The following TNNI3K variants were observed in gnomAD, a reference collection of about 807,000 sequenced individuals.
TNNI3K encodes serine/threonine-protein kinase TNNI3K.
TNNI3K carries 140 observed loss-of-function variants against 114.5 expected under a neutral mutation model. The observed-to-expected ratio is 1.22, with a 90% CI of 1.07 to 1.41. The LOEUF (loss-of-function observed/expected upper bound fraction) is 1.41, where lower values mean the gene tolerates loss of function less well. TNNI3K is among the 40% of genes most tolerant of loss of function. TNNI3K has a pLI of 0.00. For missense variants in TNNI3K, 1,125 were observed against 1,007.6 expected (o/e 1.12, Z -1.58); for synonymous variants, 347 against 347.5 (o/e 1.00, Z 0.02).
At position 74,244,508 on chromosome 1, in the gene TNNI3K, T is replaced by A. The variant is rs1654437102; in HGVS notation, c.150-4951T>A. Among the ~76,000 whole-genome samples, 4 of 151,950 alleles carry A rather than the reference T, an allele frequency of 2.6e-5. No individual in the cohort carries two copies. In the South Asian group the frequency reaches 8.3e-4, roughly 32 times the overall value. Reference sequence around the variant, plus strand: ...ACATTCATCTAGTGCCTTTCTTTTTTAAAAATAAAGCAATGGACCCTGGCA... The same window carrying A: ...ACATTCATCTAGTGCCTTTCTTTTTAAAAAATAAAGCAATGGACCCTGGCA... On this transcript the variant is annotated intron_variant, in intron 2 of 24. Coordinates refer to ENST00000326637, the MANE Select transcript of TNNI3K (RefSeq NM_015978.3).
intron 20 of TNNI3K, among the ~76,000 whole-genome samples, chr1:74,444,443 G>C (rs1035780795): frequency 2.6e-5 from 4 of 150,978 alleles, no homozygotes; most frequent in African/African-American, 9.7e-5. Context: ...TTGCTACAAA[G>C]AGAAAAAAAA....
intron 5 of TNNI3K, among the ~76,000 whole-genome samples, chr1:74,272,230 C>T (rs1656394789): frequency 6.6e-6 from 1 of 151,456 alleles, no homozygotes; most frequent in Non-Finnish European, 1.5e-5. Context: ...ATGACAGTAG[C>T]AAGAAAGTCA....
intron 20 of TNNI3K, among the ~76,000 whole-genome samples, chr1:74,443,466 T>C (rs1666475146): frequency 6.6e-6 from 1 of 151,900 alleles, no homozygotes; most frequent in Middle Eastern, 3.2e-3. Flanking sequence ...CAGGAAGAAG[T>C]TGCTTGCATG....
At chr1:74,290,120 A>G (rs1465912598) in intron 5 of TNNI3K, among the ~76,000 whole-genome samples, 1 of 151,802 alleles carries the variant, frequency 6.6e-6, no homozygotes, top group East Asian at 1.9e-4. Context: ...CACACTAAGC[A>G]CATACCACAT....
intron 17 of TNNI3K, among the ~76,000 whole-genome samples, chr1:74,407,847 T>A (rs1456748177): frequency 6.6e-6 from 1 of 152,140 alleles, no homozygotes; most frequent in Non-Finnish European, 1.5e-5. Flanking sequence ...GATGCCTAGA[T>A]AATAATATAA....
chr1:74,253,583 G>A (rs1216324423), intron 4 of TNNI3K, among the ~76,000 whole-genome samples: 4 of 152,096 alleles, frequency 2.6e-5, no homozygotes, highest in African/African-American at 4.8e-5. Flanking sequence ...CTGCTGGCCC[G>A]GGTGCTAATC....
intron 22 of TNNI3K, among the ~76,000 whole-genome samples, chr1:74,491,841 C>A (rs1244953274): frequency 6.6e-6 from 1 of 152,032 alleles, no homozygotes; most frequent in East Asian, 1.9e-4. Flanking sequence ...CTGAGTTGGG[C>A]CTACTGTGTT....
intron 20 of TNNI3K, among the ~76,000 whole-genome samples, chr1:74,447,463 A>G (rs1400052165): frequency 7.0e-6 from 1 of 143,656 alleles, no homozygotes; most frequent in African/African-American, 2.8e-5. Context: ...ATGAACAGAC[A>G]CTTCTCAAAA....
At chr1:74,338,092 A>T (rs1432572699) in intron 7 of TNNI3K, among the ~76,000 whole-genome samples, 1 of 152,100 alleles carries the variant, frequency 6.6e-6, no homozygotes, top group Non-Finnish European at 1.5e-5. Context: ...GAATTGATAA[A>T]TCGAAAGGTA....
At chr1:74,334,312 A>G (rs993666672) in intron 6 of TNNI3K, among the ~76,000 whole-genome samples, 1 of 152,194 alleles carries the variant, frequency 6.6e-6, no homozygotes, top group Non-Finnish European at 1.5e-5. Flanking sequence ...TCAAATGTCT[A>G]CCACATTCTT....
intron 5 of TNNI3K, among the ~76,000 whole-genome samples, chr1:74,304,744 T>C (rs1160459308): frequency 6.6e-6 from 1 of 152,180 alleles, no homozygotes; most frequent in Non-Finnish European, 1.5e-5. Flanking sequence ...TGAACCCAGC[T>C]GACAATAAAA....
chr1:74,535,815 A>G (rs577035297), intron 23 of TNNI3K, among the ~76,000 whole-genome samples: 3 of 152,300 alleles, frequency 2.0e-5, no homozygotes, highest in Admixed American at 1.3e-4. Context: ...GTCAGTCACA[A>G]TTGAATCTAA....
At chr1:74,436,831 TTATAG>T (rs1666153513) in intron 19 of TNNI3K, among the ~76,000 whole-genome samples, 1 of 152,046 alleles carries the variant, frequency 6.6e-6, no homozygotes, top group Admixed American at 6.6e-5. Flanking sequence ...ACCTAACTAC[TTATAG>T]TAAAGTAAAC....
At chr1:74,384,417 G>T (rs759919812) in intron 17 of TNNI3K, among the ~76,000 whole-genome samples, 1 of 152,130 alleles carries the variant, frequency 6.6e-6, no homozygotes, top group Non-Finnish European at 1.5e-5. Context: ...GTTTTGCAAT[G>T]TAGCTATAGC....
chr1:74,380,547 A>G (rs1570549122), intron 17 of TNNI3K, among the ~76,000 whole-genome samples: 2 of 152,198 alleles, frequency 1.3e-5, no homozygotes, highest in South Asian at 4.1e-4. Context: ...AAACCTTTCA[A>G]ATGCTTTCCT....
chr1:74,311,723 C>T (rs969077084), intron 5 of TNNI3K, among the ~76,000 whole-genome samples: 6 of 152,134 alleles, frequency 3.9e-5, no homozygotes, highest in Non-Finnish European at 5.9e-5. Flanking sequence ...AGTCTTGCCA[C>T]AGGTCTGCAA....
At chr1:74,448,363 G>A (rs982350345) in intron 20 of TNNI3K, among the ~76,000 whole-genome samples, 80 of 147,540 alleles carry the variant, frequency 5.4e-4, no homozygotes, top group Admixed American at 1.7e-3. Context: ...GAGATTTTGG[G>A]CTGAGACAAT....
At chr1:74,379,923 C>T (rs1370217921) in intron 17 of TNNI3K, among the ~76,000 whole-genome samples, 1 of 152,138 alleles carries the variant, frequency 6.6e-6, no homozygotes, top group East Asian at 1.9e-4. Flanking sequence ...CATTAGGTCT[C>T]ATTTAATTTT....
chr1:74,341,445 T>C (rs931926147), intron 7 of TNNI3K: 1 of 152,190 alleles, frequency 6.6e-6, no homozygotes, highest in Non-Finnish European at 1.5e-5. Flanking sequence ...TTATATCCAT[T>C]GTTACTGATA....
Sources: allele counts gnomAD v4.1 joint callset (sites outside exome capture counted in the v4.1 genomes callset), GRCh38; gene constraint gnomAD v4.1.1; transcripts MANE v1.5; gene names NCBI Gene and HGNC (gene_info 2026-07-23, HGNC 2026-07-21).